Variants in SRGAP2B observed in about 807,000 individuals in gnomAD.
SRGAP2B encodes the protein SLIT-ROBO Rho GTPase-activating protein 2B.
A neutral mutation model predicts 22.2 loss-of-function variants in SRGAP2B; 9 were observed. The observed-to-expected ratio is 0.41, with a 90% CI of 0.24 to 0.71. The LOEUF is 0.71. Ranked by LOEUF, SRGAP2B falls within the 30% of genes least tolerant of loss-of-function variation. The probability of loss-of-function intolerance (pLI) is 0.35; values close to 1 mark genes in which losing one functional copy is unlikely to be tolerated. For missense variants in SRGAP2B, 114 were observed against 235.8 expected (o/e 0.48, Z 3.38); for synonymous variants, 36 against 87.4 (o/e 0.41, Z 3.28).
intron 2 of SRGAP2B, among the ~76,000 whole-genome samples, chr1:145,063,551 C>T (rs1421980837): frequency 4.7e-5 from 7 of 149,102 alleles, no homozygotes; most frequent in South Asian, 4.2e-4. Context: ...ATGGGCTAGG[C>T]GGCTGAGATT....
At chr1:144,928,500 C>T (rs1178686564) in intron 4 of SRGAP2B, among the ~76,000 whole-genome samples, 11 of 132,560 alleles carry the variant, frequency 8.3e-5, no homozygotes, top group East Asian at 4.3e-4. Flanking sequence ...TGCAGTGGCG[C>T]GATCTCTGCT....
intron 4 of SRGAP2B, among the ~76,000 whole-genome samples, chr1:144,940,676 G>A (rs1269820326): frequency 5.4e-5 from 8 of 147,624 alleles, no homozygotes; most frequent in South Asian, 2.1e-4. Flanking sequence ...GGTAGCCCAC[G>A]CCTGTAATCC....
chr1:144,948,907 C>T (rs1162874249), intron 4 of SRGAP2B, among the ~76,000 whole-genome samples: 3 of 121,132 alleles, frequency 2.5e-5, no homozygotes, highest in Non-Finnish European at 5.0e-5. Context: ...GAATATGGAC[C>T]TCTTTTTTTT....
At chr1:144,964,630 C>T (rs1171948859) in intron 3 of SRGAP2B, among the ~76,000 whole-genome samples, 6 of 151,126 alleles carry the variant, frequency 4.0e-5, no homozygotes, top group African/African-American at 1.5e-4. Context: ...TCCATCTACA[C>T]TCTGTGGAAA....
intron 4 of SRGAP2B, among the ~76,000 whole-genome samples, chr1:144,932,699 A>G (rs1553605858): frequency 8.4e-6 from 1 of 119,024 alleles, no homozygotes; most frequent in Admixed American, 9.0e-5. Flanking sequence ...TTTTATCTCT[A>G]TATTTTTGGA....
rs1333905198 is a variant in SRGAP2B at position 144,892,163 on chromosome 1, AAAGCC to A, written c.1369_1373del (p.Gly457LeufsTer21). 1 of 775,560 alleles carries A rather than the reference AAAGCC, an allele frequency of 1.3e-6. No individual in the cohort carries two copies. The highest frequency in any genetic ancestry group is 1.8e-5 in the African/African-American group (1 of 55,968). 48.0% of individuals were successfully genotyped at this position (775,560 alleles called of 1,614,324 possible). ...CTGCAGTGCATGCTGACGCTCTTTA[AAAGCC>A]ATAGCACTCCCTCACTGTGAAATAA... On this transcript the variant is annotated frameshift_variant, in exon 10 of 10. Transcript: ENST00000612199. LOFTEE classifies it high-confidence loss of function.
chr1:144,958,360 A>G (rs1438355257), intron 3 of SRGAP2B, among the ~76,000 whole-genome samples: 3 of 150,884 alleles, frequency 2.0e-5, no homozygotes, highest in South Asian at 2.1e-4. Flanking sequence ...CTTAATGCTA[A>G]TAAGTTTTAT....
In SRGAP2B at chr1:144,948,082, AT is replaced by A. The variant is rs767183540; in HGVS notation, c.423+7356del. On this transcript the variant is annotated intron_variant, in intron 4 of 9. Coordinates refer to ENST00000612199, the Ensembl canonical transcript of SRGAP2B. ...TAACATTATAAAAATGTTATAAAGCATTGTTTAAAATGTTATATAATGTAGG... is the reference window on the plus strand; with the variant it reads ...TAACATTATAAAAATGTTATAAAGCATGTTTAAAATGTTATATAATGTAGG... Among the ~76,000 whole-genome samples, 274 of 120,780 alleles carry A rather than the reference AT, an allele frequency of 2.3e-3. 2 individuals are homozygous for A. Among genetic ancestry groups the A allele is most frequent in the Non-Finnish European group, 3.4e-3 (202 of 58,676 alleles). 79.2% of individuals were successfully genotyped at this position (120,780 alleles called of 152,430 possible). A position where few individuals can be genotyped will look rare whatever the true frequency, so the allele number is the denominator to read the frequency against.
intron 2 of SRGAP2B, among the ~76,000 whole-genome samples, chr1:145,036,224 A>C (rs1462931410): frequency 8.0e-6 from 1 of 125,236 alleles, no homozygotes; most frequent in African/African-American, 3.2e-5. Context: ...TCCACCAGTC[A>C]GTCTCTTACA....
intron 3 of SRGAP2B, among the ~76,000 whole-genome samples, chr1:144,970,645 T>TAAAAAAAAA (rs782116324): frequency 7.8e-6 from 1 of 128,474 alleles, no homozygotes; most frequent in Non-Finnish European, 1.6e-5. Flanking sequence ...CTTAAAGTAT[T>TAAAAAAAAA]AAAAAAAAAA....
At chr1:145,073,459 CT>C (rs1652302786) in intron 2 of SRGAP2B, among the ~76,000 whole-genome samples, 2 of 125,494 alleles carry the variant, frequency 1.6e-5, no homozygotes, top group Admixed American at 1.6e-4. Flanking sequence ...GTCTCCCAAA[CT>C]AAAAACCTCA....
At chr1:145,088,891 C>A (rs1250718094) in intron 2 of SRGAP2B, among the ~76,000 whole-genome samples, 137 of 138,544 alleles carry the variant, frequency 9.9e-4, no homozygotes, top group African/African-American at 3.5e-3. Context: ...CAGATTCAAC[C>A]AAATGGGAAT....
At chr1:144,986,477 C>T (rs1185804016) in intron 3 of SRGAP2B, among the ~76,000 whole-genome samples, 6 of 149,746 alleles carry the variant, frequency 4.0e-5, no homozygotes, top group Non-Finnish European at 7.4e-5. Flanking sequence ...AAATACAGTA[C>T]TATTGTCACT....
intron 5 of SRGAP2B, among the ~76,000 whole-genome samples, chr1:144,909,065 A>G (rs1351695445): frequency 8.2e-5 from 12 of 145,904 alleles, no homozygotes; most frequent in Non-Finnish European, 1.8e-4. Context: ...AAATAATAGG[A>G]AAAAAAAGGT....
chr1:145,020,630 T>C (rs1361832074), intron 2 of SRGAP2B, among the ~76,000 whole-genome samples: 1 of 148,116 alleles, frequency 6.8e-6, no homozygotes, highest in East Asian at 1.9e-4. Context: ...GAGATCTTTA[T>C]TGTATTGACT....
chr1:144,969,189 A>T (rs1668315184), intron 3 of SRGAP2B, among the ~76,000 whole-genome samples: 2 of 126,078 alleles, frequency 1.6e-5, no homozygotes, highest in African/African-American at 7.0e-5. Context: ...TCGCCAAGTC[A>T]ATCCTAAGGC....
intron 3 of SRGAP2B, chr1:144,965,124 C>A (rs1406052473): frequency 3.2e-6 from 4 of 1,233,124 alleles, no homozygotes; most frequent in East Asian, 2.3e-5. Flanking sequence ...GCTTCAAGCC[C>A]TGGCTCAAAA....
intron 3 of SRGAP2B, among the ~76,000 whole-genome samples, chr1:144,975,737 G>C (rs1244064588): frequency 6.7e-6 from 1 of 149,806 alleles, no homozygotes; most frequent in Non-Finnish European, 1.5e-5. Flanking sequence ...ACTAAGATAG[G>C]AAAGAAAGAA....
chr1:145,031,718 G>A lies in SRGAP2B; in HGVS notation c.68-36518C>T, dbSNP rs1411454200. 2.1e-4 allele frequency among the ~76,000 whole-genome samples: 31 copies of A among 145,134 alleles called. 1 individual carries two copies. The highest frequency in any genetic ancestry group is 3.5e-4 in the Non-Finnish European group (24 of 67,720). On this transcript the variant is annotated intron_variant, in intron 2 of 9. Coordinates refer to ENST00000612199, the Ensembl canonical transcript of SRGAP2B. ...AAAAATTAGCCCGGAGTGGTGGTGG[G>A]CGCCTGTAGTCCCAGCTACTTGGGA...
Sources: gnomAD v4.1 joint callset for allele counts (sites outside exome capture counted in the v4.1 genomes callset) on GRCh38, gnomAD v4.1.1 for gene constraint, MANE v1.5 for transcripts, NCBI Gene and HGNC (gene_info 2026-07-23, HGNC 2026-07-21) for gene names.